Variants in NCAN observed in about 807,000 individuals in gnomAD.
The protein encoded by NCAN is neurocan core protein.
A neutral mutation model predicts 121.8 loss-of-function variants in NCAN; 47 were observed. The observed-to-expected ratio is 0.39, with a 90% CI of 0.31 to 0.49. NCAN has a LOEUF of 0.49. Ranked by LOEUF, NCAN falls within the 20% of genes least tolerant of loss-of-function variation. The probability of loss-of-function intolerance (pLI) is 0.92; values close to 1 mark genes in which losing one functional copy is unlikely to be tolerated. For synonymous variants in NCAN, 633 were observed against 702.0 expected, an observed-to-expected ratio of 0.90 and a Z score of 1.55; for missense variants, 1,517 against 1,773.4, an observed-to-expected ratio of 0.86 and a Z score of 2.60.
intron 3 of NCAN, among the ~76,000 whole-genome samples, chr19:19,223,776 C>T (rs1028741923): frequency 3.3e-5 from 5 of 152,144 alleles, no homozygotes; most frequent in African/African-American, 4.8e-5. Flanking sequence ...CCTGAACGGC[C>T]GTAAACGCTT....
chr19:19,219,101 A>G lies in NCAN; in HGVS notation c.260A>G (p.Gln87Arg). ...KWTKVRTASG[Q>R]RQDLPILVAK... ...ACCAAGGTGCGGACTGCGTCGGGCC[A>G]GCGACAGGACTTGCCCATCCTGGTG... Residue 87 changes from glutamine to arginine, a missense_variant, in exon 3 of 15, where the codon CAG becomes CGG. Transcript: ENST00000252575. 1 of 1,612,840 alleles carries G rather than the reference A, an allele frequency of 6.2e-7. No homozygotes were observed. The highest frequency in any genetic ancestry group is 8.5e-7 in the Non-Finnish European group (1 of 1,179,274).
At position 19,225,456 on chromosome 19, in the gene NCAN, G is replaced by T. The variant is rs1390059165; in HGVS notation, c.1072+186G>T. 6.6e-6 allele frequency among the ~76,000 whole-genome samples: 1 copy of T among 152,206 alleles called. No individual in the cohort carries two copies. The highest frequency in any genetic ancestry group is 1.9e-4 in the East Asian group (1 of 5,184). On this transcript the variant is annotated intron_variant, in intron 6 of 14. Coordinates refer to ENST00000252575, the MANE Select transcript of NCAN (RefSeq NM_004386.3). The surrounding 1 kb of genome is among the most constrained non-coding windows in gnomAD (Gnocchi z 4.0). Reference sequence around the variant, plus strand: ...CGTTACGACAAGTCTTTCCCTAGGAGCCCCGTCCTGGGTAAAGAACAGGGC... The same window carrying T: ...CGTTACGACAAGTCTTTCCCTAGGATCCCCGTCCTGGGTAAAGAACAGGGC...
At chr19:19,216,863 T>G (rs914507407) in intron 1 of NCAN, 84 bp from the exon 2 acceptor site, 2 of 691,802 alleles carry the variant, frequency 2.9e-6, no homozygotes, top group Non-Finnish European at 4.4e-6. Flanking sequence ...ATCTGTAGAG[T>G]GGGGGAGTTT....
chr19:19,245,122 G>C (rs2060919715), intron 12 of NCAN, among the ~76,000 whole-genome samples, 191 bp from the exon 13 acceptor site: 1 of 152,176 alleles, frequency 6.6e-6, no homozygotes, highest in South Asian at 2.1e-4. Context: ...CTCCAAACCA[G>C]AGGAATGGTG....
rs945065176 is a variant in NCAN at position 19,219,324 on chromosome 19, G to A, written c.475+8G>A. 4 of 1,510,204 alleles carry A rather than the reference G, an allele frequency of 2.6e-6. No individual in the cohort carries two copies. The highest frequency in any genetic ancestry group is 3.5e-6 in the Non-Finnish European group (4 of 1,129,852). 93.6% of individuals were successfully genotyped at this position (1,510,204 alleles called of 1,614,324 possible). The stretch of plus-strand genomic sequence containing the variant: ...TGCCCTTGGAGGTGACAGGTCAGTT[G>A]GGGGCAAAGGAGGGGCCGGGGGCCG... On this transcript the variant is annotated splice_region_variant and intron_variant, in intron 3 of 14. Coordinates refer to ENST00000252575, the MANE Select transcript of NCAN (RefSeq NM_004386.3).
intron 13 of NCAN, among the ~76,000 whole-genome samples, chr19:19,247,548 C>T (rs552456768): frequency 1.2e-4 from 18 of 151,852 alleles, no homozygotes; most frequent in African/African-American, 3.9e-4. Flanking sequence ...CCACCGCACC[C>T]GGCCCTTATT....
At chr19:19,232,257 G>A (rs1359742131) in intron 8 of NCAN, among the ~76,000 whole-genome samples, 2 of 152,154 alleles carry the variant, frequency 1.3e-5, no homozygotes, top group Non-Finnish European at 2.9e-5. Context: ...GGCAGTGCTG[G>A]GGAGACCCAG....
Position 19,229,036 on chromosome 19 carries a change from C to T in NCAN, c.3019+397C>T, listed in dbSNP as rs1052690733. On this transcript the variant is annotated intron_variant, in intron 8 of 14. Coordinates refer to ENST00000252575, the MANE Select transcript of NCAN (RefSeq NM_004386.3). ...CAGCCTGGCCAACATGGCAAAACTCCGTCTCTACTAGAAATATAAAAATTA... is the reference window on the plus strand; with the variant it reads ...CAGCCTGGCCAACATGGCAAAACTCTGTCTCTACTAGAAATATAAAAATTA... Among the ~76,000 whole-genome samples the T allele has an allele frequency of 5.3e-5, 8 of 152,200 alleles. No individual in the cohort carries two copies. In the East Asian group the frequency reaches 1.5e-3, roughly 29 times the overall value.
chr19:19,245,557 A>AT, intron 13 of NCAN, 100 bp downstream of exon 13: 5 of 1,380,636 alleles, frequency 3.6e-6, no homozygotes, highest in Non-Finnish European at 3.9e-6. Flanking sequence ...GGCTCATCAC[A>AT]GCCTCCACCG....
At chr19:19,218,870 T>C in intron 2 of NCAN, 45 bp from the exon 3 acceptor site, 1 of 1,461,956 alleles carries the variant, frequency 6.8e-7, no homozygotes, top group Non-Finnish European at 9.1e-7. Context: ...CCCTGCTTGG[T>C]TCTTGCCTCT....
Position 19,226,435 on chromosome 19 carries a change from T to A in NCAN, c.1073-51T>A, listed in dbSNP as rs766801198. 2.1e-6 allele frequency: 3 copies of A among 1,417,932 alleles called. No individual in the cohort carries two copies. The African/African-American group carries it at 4.3e-5, about 20-fold the overall frequency. 87.8% of individuals were successfully genotyped at this position (1,417,932 alleles called of 1,614,324 possible). The stretch of plus-strand genomic sequence containing the variant: ...AAAGTGGGTAGACTTCAAGCAGAAC[T>A]TCCCAGGCAACCCCTGGGCCTAACA... On this transcript the variant is annotated intron_variant, in intron 6 of 14. Transcript: ENST00000252575.
intron 3 of NCAN, among the ~76,000 whole-genome samples, chr19:19,221,207 C>T (rs1240697320): frequency 6.6e-6 from 1 of 151,486 alleles, no homozygotes; most frequent in East Asian, 1.9e-4. Context: ...TGCCACTGCA[C>T]TCCAGCCTGG....
chr19:19,228,648 A>C lies in NCAN; in HGVS notation c.3019+9A>C, dbSNP rs747447744. ...TGCAGGTGCGGAGGAGGGTGAGTAC[A>C]AAGTCCCGGGGCTCTGTCCAGCTCT... On this transcript the variant is annotated intron_variant, in intron 8 of 14. Coordinates refer to ENST00000252575, the MANE Select transcript of NCAN (RefSeq NM_004386.3). The C allele has an allele frequency of 6.3e-7, 1 of 1,599,942 alleles. No homozygotes were observed. Among genetic ancestry groups the C allele is most frequent in the Non-Finnish European group, 8.5e-7 (1 of 1,171,790 alleles).
intron 2 of NCAN, among the ~76,000 whole-genome samples, chr19:19,218,509 G>C (rs904927473): frequency 4.6e-4 from 69 of 151,124 alleles, no homozygotes; most frequent in African/African-American, 1.5e-3. Context: ...TTTCGCTCTT[G>C]TTGCCCAGGC....
In NCAN at chr19:19,220,450, CTT is replaced by C. The variant is rs71170607; in HGVS notation, c.475+1157_475+1158del. ...TTCTCAAATACCTGTTTAGGCAATT[CTT>C]TTTTTTTTTTTTTTTTTTTTTTGAG... is the stretch of plus-strand genomic sequence containing the variant. On this transcript the variant is annotated intron_variant, in intron 3 of 14. Coordinates refer to ENST00000252575, the MANE Select transcript of NCAN (RefSeq NM_004386.3). Among the ~76,000 whole-genome samples the C allele has an allele frequency of 7.6e-3, 554 of 72,674 alleles. 1 individual carries two copies. The highest frequency in any genetic ancestry group is 0.045 in the East Asian group (103 of 2,270). 47.7% of individuals were successfully genotyped at this position (72,674 alleles called of 152,430 possible).
In NCAN at chr19:19,224,429, G is replaced by T; in HGVS notation, c.774G>T (p.Leu258=). The T allele has an allele frequency of 6.2e-7, 1 of 1,612,192 alleles. No individual in the cohort carries two copies. Residue 258 remains leucine (L), a synonymous_variant, in exon 5 of 15, where the codon CTG becomes CTT. Transcript: ENST00000252575. ...ATGTGTATTGCTTTGCCCGGGAGCT[G>T]GGGGGTAAGTCTGGGACTGGCAGGA... ...LYDVYCFARE[L]GGEVFYVGPA... is the part of the protein sequence containing the mutation.
chr19:19,245,585 C>A, intron 13 of NCAN, 128 bp downstream of exon 13: 1 of 1,079,296 alleles, frequency 9.3e-7, no homozygotes, highest in East Asian at 2.7e-5. Context: ...TCAAGCCATC[C>A]TCCTGCCTCA....
intron 10 of NCAN, among the ~76,000 whole-genome samples, chr19:19,236,545 T>C (rs892893641): frequency 5.3e-5 from 8 of 152,252 alleles, no homozygotes; most frequent in South Asian, 2.1e-4. Flanking sequence ...CTCTTTTTGG[T>C]GTATACTCTC....
chr19:19,213,052 G>T (rs1000289637), intron 1 of NCAN, among the ~76,000 whole-genome samples: 3 of 152,178 alleles, frequency 2.0e-5, no homozygotes, highest in African/African-American at 4.8e-5. Flanking sequence ...CTACGCGTGG[G>T]GCTTTGTTCC....
Sources: allele counts gnomAD v4.1 joint callset (sites outside exome capture counted in the v4.1 genomes callset), GRCh38; gene constraint gnomAD v4.1.1; non-coding constraint Gnocchi (gnomAD v3.1); transcripts MANE v1.5; gene names NCBI Gene and HGNC (gene_info 2026-07-23, HGNC 2026-07-21).